Variants in NLGN1 observed in about 807,000 individuals in gnomAD.
NLGN1 encodes neuroligin-1.
Under a neutral mutation model 65.5 loss-of-function variants are expected in NLGN1, and 12 were observed. The observed-to-expected ratio is 0.18, with a 90% CI of 0.12 to 0.30. The LOEUF is 0.30. NLGN1 is among the 10% of genes least tolerant of loss of function. NLGN1 has a pLI of 1.00. For missense variants in NLGN1, 750 were observed against 1,007.1 expected (o/e 0.74, Z 3.46); for synonymous variants, 350 against 359.5 (o/e 0.97, Z 0.30).
downstream of NLGN1, among the ~76,000 whole-genome samples, chr3:174,289,928 T>C (rs138652426): frequency 0.029 from 3,725 of 128,916 alleles, 131 homozygotes; most frequent in Middle Eastern, 0.091. Flanking sequence ...TATATATGTG[T>C]ATATATATAT....
chr3:174,090,402 G>A (rs1032736043), intron 4 of NLGN1, among the ~76,000 whole-genome samples: 7 of 152,082 alleles, frequency 4.6e-5, no homozygotes, highest in Non-Finnish European at 8.8e-5. Context: ...GAACCTGGGA[G>A]GTGGAGTTTG....
chr3:173,908,737 C>T (rs73883606), intron 4 of NLGN1, among the ~76,000 whole-genome samples: 5,331 of 152,162 alleles, frequency 0.035, 308 homozygotes, highest in African/African-American at 0.12. Flanking sequence ...AAAAAATAGA[C>T]ACTGCTTATA....
chr3:173,889,472 A>G (rs1734941190), intron 4 of NLGN1, among the ~76,000 whole-genome samples: 1 of 152,170 alleles, frequency 6.6e-6, no homozygotes, highest in Non-Finnish European at 1.5e-5. Context: ...CTTTTACTAC[A>G]TAGCTCAATG....
At chr3:173,447,384 G>A (rs1407195514) in intron 2 of NLGN1, among the ~76,000 whole-genome samples, 2 of 152,100 alleles carry the variant, frequency 1.3e-5, no homozygotes, top group African/African-American at 2.4e-5. Context: ...TAGATACATG[G>A]CATTATTTCT....
chr3:173,501,911 C>T (rs1385390804), intron 2 of NLGN1, among the ~76,000 whole-genome samples: 1 of 152,004 alleles, frequency 6.6e-6, no homozygotes, highest in African/African-American at 2.4e-5. Flanking sequence ...CCAGGGCACC[C>T]ACATACCTTG....
At chr3:173,709,744 A>G (rs965575242) in intron 3 of NLGN1, among the ~76,000 whole-genome samples, 2 of 144,936 alleles carry the variant, frequency 1.4e-5, no homozygotes, top group African/African-American at 5.1e-5. Flanking sequence ...CGGAGGTTGC[A>G]GTGAGCCGAG....
intron 4 of NLGN1, among the ~76,000 whole-genome samples, chr3:173,916,509 G>T (rs887157816): frequency 7.2e-5 from 11 of 152,104 alleles, no homozygotes; most frequent in Admixed American, 7.2e-4. Flanking sequence ...ACAGGTAAAA[G>T]TTCTTTGTAA....
chr3:174,072,372 A>T lies in NLGN1; in HGVS notation c.647-202943A>T, dbSNP rs145546029. Among the ~76,000 whole-genome samples, 273 of 152,296 alleles carry T rather than the reference A, an allele frequency of 1.8e-3. 1 individual carries two copies. The highest frequency in any genetic ancestry group is 6.3e-3 in the African/African-American group (263 of 41,564). The stretch of plus-strand genomic sequence containing the variant: ...TAAAAGATGGCATTGTAAGATAGGG[A>T]CTAGAGAAAGCCAACAGAGAACTAA... On this transcript the variant is annotated intron_variant, in intron 4 of 6. Coordinates refer to ENST00000457714, the Ensembl canonical transcript of NLGN1.
intron 3 of NLGN1, among the ~76,000 whole-genome samples, chr3:173,786,999 C>G (rs1483969567): frequency 6.6e-6 from 1 of 151,836 alleles, no homozygotes; most frequent in Non-Finnish European, 1.5e-5. Flanking sequence ...ATCACTTGAA[C>G]CCGTGGGGCG....
intron 3 of NLGN1, among the ~76,000 whole-genome samples, chr3:173,739,930 C>G (rs1774374703): frequency 6.6e-6 from 1 of 152,092 alleles, no homozygotes; most frequent in Non-Finnish European, 1.5e-5. Flanking sequence ...TAACAGATTG[C>G]TGCACTACTG....
Position 173,563,797 on chromosome 3 carries a change from G to A in NLGN1, c.-320-40482G>A, listed in dbSNP as rs116369334. ...TACATCCACCCCAGTTAAAGCCGTCGGCATCTTCCATTTGGATTTCTGCAA... is the reference window on the plus strand; with the variant it reads ...TACATCCACCCCAGTTAAAGCCGTCAGCATCTTCCATTTGGATTTCTGCAA... On this transcript the variant is annotated intron_variant, in intron 2 of 6. Transcript: ENST00000457714. Among the ~76,000 whole-genome samples, 755 of 151,916 alleles carry A rather than the reference G, an allele frequency of 5.0e-3. 2 individuals carry two copies. The highest frequency in any genetic ancestry group is 0.017 in the African/African-American group (712 of 41,390).
chr3:173,558,408 A>G lies in NLGN1; in HGVS notation c.-320-45871A>G, dbSNP rs138428426. ...CACTATTTCCTCATTTGCCCCCCCA[A>G]CCCCATCCTATATATCCTCTCCTCC... On this transcript the variant is annotated intron_variant, in intron 2 of 6. Coordinates refer to ENST00000457714, the Ensembl canonical transcript of NLGN1. 5.7e-3 allele frequency among the ~76,000 whole-genome samples: 870 copies of G among 151,974 alleles called. 5 individuals carry two copies. The highest frequency in any genetic ancestry group is 6.4e-3 in the Admixed American group (97 of 15,260).
At chr3:174,114,339 A>G (rs1715888427) in intron 4 of NLGN1, among the ~76,000 whole-genome samples, 1 of 152,194 alleles carries the variant, frequency 6.6e-6, no homozygotes, top group African/African-American at 2.4e-5. Flanking sequence ...TTAAAATACT[A>G]ACCTATGAAT....
chr3:174,127,759 A>G (rs576157379), intron 4 of NLGN1, among the ~76,000 whole-genome samples: 5 of 152,286 alleles, frequency 3.3e-5, no homozygotes, highest in African/African-American at 1.2e-4. Flanking sequence ...TATTATTTGA[A>G]ATGCAATAAG....
At chr3:173,893,103 G>A (rs1448718008) in intron 4 of NLGN1, among the ~76,000 whole-genome samples, 1 of 152,040 alleles carries the variant, frequency 6.6e-6, no homozygotes, top group Non-Finnish European at 1.5e-5. Flanking sequence ...AGAAAATCAG[G>A]GGCCCTCTCA....
At chr3:174,044,812 A>G (rs560143333) in intron 4 of NLGN1, among the ~76,000 whole-genome samples, 5 of 152,128 alleles carry the variant, frequency 3.3e-5, no homozygotes, top group African/African-American at 1.2e-4. Context: ...TAATTGAGTG[A>G]TGGGGGCAGT....
In NLGN1 at chr3:174,229,142, T is replaced by C. The variant is rs183640737; in HGVS notation, c.647-46173T>C. On this transcript the variant is annotated intron_variant, in intron 4 of 6. Transcript: ENST00000457714. The stretch of plus-strand genomic sequence containing the variant: ...ACTGTAAAGCAGTGGTAATTACAGT[T>C]TTCATTATATAGAATTATTAAGAGA... 3.8e-3 allele frequency among the ~76,000 whole-genome samples: 578 copies of C among 152,244 alleles called. 1 individual carries two copies. Among genetic ancestry groups the C allele is most frequent in the Non-Finnish European group, 6.6e-3 (447 of 67,992 alleles).
chr3:174,236,679 A>G (rs542954466), intron 4 of NLGN1, among the ~76,000 whole-genome samples: 3 of 152,268 alleles, frequency 2.0e-5, no homozygotes, highest in East Asian at 1.9e-4. Flanking sequence ...TGTTACAATC[A>G]ATATGTATTT....
chr3:173,974,207 G>A (rs1165007777), intron 4 of NLGN1, among the ~76,000 whole-genome samples: 1 of 149,882 alleles, frequency 6.7e-6, no homozygotes, highest in African/African-American at 2.5e-5. Flanking sequence ...AAGGGTATTT[G>A]ATGAAAGATT....
Sources: allele counts gnomAD v4.1 joint callset (sites outside exome capture counted in the v4.1 genomes callset), GRCh38; gene constraint gnomAD v4.1.1; transcripts MANE v1.5; gene names NCBI Gene and HGNC (gene_info 2026-07-23, HGNC 2026-07-21).